CCBE1: variants seen among roughly 807,000 people sequenced by gnomAD.
CCBE1 encodes collagen and calcium-binding EGF domain-containing protein 1.
In CCBE1, 37 loss-of-function variants were observed where a neutral mutation model predicts 50.0. The observed-to-expected ratio is 0.74, with a 90% CI of 0.57 to 0.97. The LOEUF (loss-of-function observed/expected upper bound fraction) is 0.97. CCBE1 is among the 50% of genes least tolerant of loss of function. The probability of loss-of-function intolerance (pLI) is 0.00; values close to 1 mark genes in which losing one functional copy is unlikely to be tolerated. For synonymous variants in CCBE1, 234 were observed against 203.7 expected (o/e 1.15, Z -1.27); for missense variants, 538 against 523.8 (o/e 1.03, Z -0.26).
intron 2 of CCBE1, among the ~76,000 whole-genome samples, chr18:59,553,937 T>C (rs1245513723): frequency 6.6e-6 from 1 of 152,236 alleles, no homozygotes; most frequent in Non-Finnish European, 1.5e-5. Context: ...AAGTCACTGC[T>C]GTGGACATAA....
rs1258539221 is a variant in CCBE1, at chr18:59,469,456, G to A, written c.400+17C>T. 2.5e-6 allele frequency: 4 copies of A among 1,614,142 alleles called. No individual in the cohort carries two copies. Among genetic ancestry groups the A allele is most frequent in the Non-Finnish European group, 3.4e-6 (4 of 1,180,012 alleles). ...GCACATGTTCAGAAGCTGGAAACAA[G>A]CACATTCCCAACACACCCAGACAGT... On this transcript the variant is annotated intron_variant, in intron 4 of 10. Transcript: ENST00000439986.
At chr18:59,614,884 T>A (rs915385322) in intron 2 of CCBE1, among the ~76,000 whole-genome samples, 1 of 152,206 alleles carries the variant, frequency 6.6e-6, no homozygotes, top group Non-Finnish European at 1.5e-5. Flanking sequence ...ATGTGTCCAA[T>A]CACAATTCAT....
chr18:59,453,547 C>T (rs529466724), intron 6 of CCBE1, among the ~76,000 whole-genome samples: 2 of 152,134 alleles, frequency 1.3e-5, no homozygotes, highest in Non-Finnish European at 2.9e-5. Flanking sequence ...GTAAAAAAGG[C>T]CTGCAAACCA....
Position 59,605,636 on chromosome 18 carries a change from C to T in CCBE1, c.212+90993G>A, listed in dbSNP as rs150558864. Among the ~76,000 whole-genome samples, 617 of 152,198 alleles carry T rather than the reference C, an allele frequency of 4.1e-3. 11 individuals are homozygous for T. Among genetic ancestry groups the T allele is most frequent in the East Asian group, 0.037 (193 of 5,184 alleles). On this transcript the variant is annotated intron_variant, in intron 2 of 10. Coordinates refer to ENST00000439986, the MANE Select transcript of CCBE1 (RefSeq NM_133459.4). Reference sequence around the variant, plus strand: ...CAGGGGAACTAAAGATGACAAGGAGCCTCTTTGACCTCTCAAAAGCCTAGA... The same window carrying T: ...CAGGGGAACTAAAGATGACAAGGAGTCTCTTTGACCTCTCAAAAGCCTAGA...
At chr18:59,460,669 C>CGA in intron 5 of CCBE1, among the ~76,000 whole-genome samples, 2 of 152,276 alleles carry the variant, frequency 1.3e-5, no homozygotes, top group South Asian at 4.1e-4. Flanking sequence ...CTGTGGCTCA[C>CGA]GCCTGTAATC....
intron 2 of CCBE1, among the ~76,000 whole-genome samples, chr18:59,632,527 G>A (rs938044819): frequency 1.4e-4 from 22 of 152,210 alleles, no homozygotes; most frequent in African/African-American, 4.8e-4. Flanking sequence ...ACCTGCCTCG[G>A]CCTCCCAAAG....
intron 2 of CCBE1, among the ~76,000 whole-genome samples, chr18:59,597,060 G>A (rs1010865343): frequency 6.6e-6 from 1 of 152,200 alleles, no homozygotes; most frequent in Non-Finnish European, 1.5e-5. Flanking sequence ...ATTTAATCTT[G>A]AGCTGGCCAG....
At chr18:59,477,911 C>T (rs1912389196) in intron 3 of CCBE1, among the ~76,000 whole-genome samples, 1 of 152,160 alleles carries the variant, frequency 6.6e-6, no homozygotes, top group Non-Finnish European at 1.5e-5. Context: ...GACACCTTGG[C>T]TAGGCCAAAG....
chr18:59,649,960 G>A (rs887141952), intron 2 of CCBE1, among the ~76,000 whole-genome samples: 5 of 152,128 alleles, frequency 3.3e-5, no homozygotes, highest in African/African-American at 1.2e-4. Flanking sequence ...AAAGGAGGGA[G>A]GGGTCCCAGA....
intron 2 of CCBE1, among the ~76,000 whole-genome samples, chr18:59,603,310 T>G (rs1430287533): frequency 6.6e-6 from 1 of 152,198 alleles, no homozygotes; most frequent in African/African-American, 2.4e-5. Context: ...GTTGTGAGGA[T>G]TCATGAATTA....
intron 2 of CCBE1, among the ~76,000 whole-genome samples, chr18:59,589,449 T>C (rs888806474): frequency 6.6e-6 from 1 of 152,090 alleles, no homozygotes; most frequent in African/African-American, 2.4e-5. Context: ...CACACGATAA[T>C]ATCGACGTAA....
intron 2 of CCBE1, among the ~76,000 whole-genome samples, chr18:59,499,768 A>G (rs187342590): frequency 6.6e-6 from 1 of 152,176 alleles, no homozygotes; most frequent in African/African-American, 2.4e-5. Context: ...TCTAGGCACA[A>G]CAATGGCCTG....
intron 2 of CCBE1, among the ~76,000 whole-genome samples, chr18:59,583,125 C>T (rs9948944): frequency 0.03 from 4,501 of 152,262 alleles, 201 homozygotes; most frequent in African/African-American, 0.097. Flanking sequence ...GGCTGGTAAC[C>T]ATTTTTTAAG....
At chr18:59,440,414 T>C (rs1910368175) in intron 7 of CCBE1, among the ~76,000 whole-genome samples, 1 of 152,198 alleles carries the variant, frequency 6.6e-6, no homozygotes, top group Non-Finnish European at 1.5e-5. Flanking sequence ...ACATAGTAAG[T>C]ACTAAAACAT....
At chr18:59,559,138 C>T (rs1244890376) in intron 2 of CCBE1, among the ~76,000 whole-genome samples, 4 of 152,116 alleles carry the variant, frequency 2.6e-5, no homozygotes, top group African/African-American at 9.7e-5. Flanking sequence ...CTTGGATGAG[C>T]CCCAGTGGAA....
intron 2 of CCBE1, among the ~76,000 whole-genome samples, chr18:59,538,884 T>C (rs932862358): frequency 2.0e-5 from 3 of 152,108 alleles, no homozygotes; most frequent in Non-Finnish European, 4.4e-5. Flanking sequence ...CATGATTAAG[T>C]TATAAAAGAC....
chr18:59,668,639 A>G (rs1362979988), intron 2 of CCBE1, among the ~76,000 whole-genome samples: 1 of 152,066 alleles, frequency 6.6e-6, no homozygotes, highest in East Asian at 1.9e-4. Context: ...TATTAAAAAC[A>G]AAAGTGAGAT....
At chr18:59,558,105 A>G (rs2052680603) in intron 2 of CCBE1, among the ~76,000 whole-genome samples, 1 of 152,242 alleles carries the variant, frequency 6.6e-6, no homozygotes, top group African/African-American at 2.4e-5. Flanking sequence ...GGGATTGTCA[A>G]GGCCCCTTTC....
intron 2 of CCBE1, among the ~76,000 whole-genome samples, chr18:59,586,446 T>C (rs2053179146): frequency 6.6e-6 from 1 of 152,206 alleles, no homozygotes; most frequent in Non-Finnish European, 1.5e-5. Context: ...TGGCCCCCAC[T>C]GTGTTTAGCT....
Sources: gnomAD v4.1 joint callset for allele counts (sites outside exome capture counted in the v4.1 genomes callset) on GRCh38, gnomAD v4.1.1 for gene constraint, MANE v1.5 for transcripts, NCBI Gene and HGNC (gene_info 2026-07-23, HGNC 2026-07-21) for gene names.